C12orf42: variants seen among roughly 807,000 people sequenced by gnomAD.
C12orf42 encodes the protein chromosome 12 open reading frame 42.
C12orf42 carries 25 observed loss-of-function variants against 21.6 expected under a neutral mutation model. The ratio of observed to expected loss-of-function variants is 1.16; its 90% CI spans 0.84 to 1.62. The LOEUF is 1.62. C12orf42 is among the 40% of genes most tolerant of loss of function. The pLI, the probability that C12orf42 is intolerant of heterozygous loss-of-function variation, is 0.00. For synonymous variants in C12orf42, 174 were observed against 175.0 expected, an observed-to-expected ratio of 0.99 and a Z score of 0.05; for missense variants, 483 against 459.3, an observed-to-expected ratio of 1.05 and a Z score of -0.47.
At chr12:103,280,044 CAAT>C (rs1566014875) in intron 4 of C12orf42, among the ~76,000 whole-genome samples, 4 of 152,134 alleles carry the variant, frequency 2.6e-5, no homozygotes, top group Non-Finnish European at 2.9e-5. Flanking sequence ...ACAACATCAA[CAAT>C]AATAATATTA....
the C12orf42 span, among the ~76,000 whole-genome samples, chr12:103,116,381 A>AAATATAT: frequency 3.7e-5 from 5 of 136,700 alleles, no homozygotes; most frequent in African/African-American, 1.4e-4. Flanking sequence ...AAAAAAAAAA[A>AAATATAT]ATATATATAT....
At chr12:103,048,423 C>T in the C12orf42 span, among the ~76,000 whole-genome samples, 4 of 152,082 alleles carry the variant, frequency 2.6e-5, no homozygotes, top group Non-Finnish European at 4.4e-5. Flanking sequence ...GGATTCAACA[C>T]CCTCCCCCAT....
At chr12:103,104,322 C>T in the C12orf42 span, among the ~76,000 whole-genome samples, 1 of 152,224 alleles carries the variant, frequency 6.6e-6, no homozygotes, top group Non-Finnish European at 1.5e-5. Flanking sequence ...TCCAAGATAT[C>T]AGCATAAACA....
chr12:103,286,166 G>A (rs1180253698), intron 4 of C12orf42, among the ~76,000 whole-genome samples: 2 of 151,964 alleles, frequency 1.3e-5, no homozygotes, highest in African/African-American at 2.4e-5. Context: ...CAGGAGAATG[G>A]CATGAACCCG....
At chr12:103,294,973 A>T (rs1178357776) in intron 4 of C12orf42, among the ~76,000 whole-genome samples, 6 of 152,034 alleles carry the variant, frequency 3.9e-5, no homozygotes, top group African/African-American at 1.4e-4. Flanking sequence ...TCATGTGTCC[A>T]TGTGTTCTCA....
chr12:103,392,056 T>A (rs2047126951), intron 3 of C12orf42, among the ~76,000 whole-genome samples: 1 of 152,206 alleles, frequency 6.6e-6, no homozygotes, highest in South Asian at 2.1e-4. Flanking sequence ...ATATCTAGTT[T>A]TCCCACAACA....
At chr12:103,437,176 A>C (rs1950792401) in intron 2 of C12orf42, among the ~76,000 whole-genome samples, 1 of 151,874 alleles carries the variant, frequency 6.6e-6, no homozygotes, top group African/African-American at 2.4e-5. Flanking sequence ...AATGAAATGA[A>C]GGCAGAAATA....
chr12:103,300,526 G>A (rs887456971), downstream of C12orf42, among the ~76,000 whole-genome samples: 1 of 152,062 alleles, frequency 6.6e-6, no homozygotes, highest in African/African-American at 2.4e-5. Flanking sequence ...ATAAATTCAG[G>A]AATTTGCACT....
At chr12:103,480,612 A>G (rs1285731073) in intron 1 of C12orf42, among the ~76,000 whole-genome samples, 1 of 151,676 alleles carries the variant, frequency 6.6e-6, no homozygotes, top group East Asian at 1.9e-4. Context: ...ATGTTTTGAA[A>G]TATAATGCTT....
chr12:103,088,198 T>A, the C12orf42 span, among the ~76,000 whole-genome samples: 5 of 152,230 alleles, frequency 3.3e-5, no homozygotes, highest in Non-Finnish European at 7.4e-5. Flanking sequence ...CTGCTTCAGA[T>A]GTACACTTCT....
intron 10 of C12orf42, among the ~76,000 whole-genome samples, chr12:103,245,527 AATGAG>A (rs2033968084): frequency 6.6e-6 from 1 of 152,106 alleles, no homozygotes; most frequent in Non-Finnish European, 1.5e-5. Context: ...TTTTTAAAAT[AATGAG>A]ATAACATAAA....
the C12orf42 span, among the ~76,000 whole-genome samples, chr12:103,218,507 T>C: frequency 1.3e-5 from 2 of 152,140 alleles, no homozygotes; most frequent in African/African-American, 2.4e-5. Context: ...CACTAAATAC[T>C]AGTGGCAAAC....
chr12:103,372,750 G>A (rs571436271), intron 3 of C12orf42, among the ~76,000 whole-genome samples: 23 of 152,082 alleles, frequency 1.5e-4, no homozygotes, highest in Non-Finnish European at 3.1e-4. Context: ...GGAAAACTGA[G>A]GCACCAAAAA....
chr12:103,171,719 G>A, the C12orf42 span, among the ~76,000 whole-genome samples: 1 of 152,106 alleles, frequency 6.6e-6, no homozygotes, highest in Admixed American at 6.6e-5. Context: ...CGAAACAGGA[G>A]AACAATGAAG....
At position 103,418,964 on chromosome 12, in the gene C12orf42, G is replaced by A. The variant is rs147033372; in HGVS notation, c.79-17289C>T. Among the ~76,000 whole-genome samples, 258 of 152,048 alleles carry A rather than the reference G, an allele frequency of 1.7e-3. 1 individual carries two copies. Among genetic ancestry groups the A allele is most frequent in the African/African-American group, 5.9e-3 (244 of 41,456 alleles). The stretch of plus-strand genomic sequence containing the variant: ...ATCAGGGAAAAAGAATTAAACAGAT[G>A]AGTCCTGAACAGCTGTACTAGAGGG... On this transcript the variant is annotated intron_variant, in intron 2 of 5. Transcript: ENST00000548883.
At chr12:103,229,621 C>T in the C12orf42 span, among the ~76,000 whole-genome samples, 1 of 152,186 alleles carries the variant, frequency 6.6e-6, no homozygotes, top group African/African-American at 2.4e-5. Flanking sequence ...CTGAAGAGTG[C>T]TTCTGAAGTC....
At chr12:103,185,668 G>A in the C12orf42 span, among the ~76,000 whole-genome samples, 1 of 152,124 alleles carries the variant, frequency 6.6e-6, no homozygotes, top group African/African-American at 2.4e-5. Flanking sequence ...GAGAGAATTT[G>A]AATCATGGGG....
the C12orf42 span, among the ~76,000 whole-genome samples, chr12:103,530,934 T>C: frequency 6.6e-6 from 1 of 152,036 alleles, no homozygotes; most frequent in Non-Finnish European, 1.5e-5. Flanking sequence ...CTGCTGACCA[T>C]GAAAAGGAGG....
At chr12:103,212,822 T>A in the C12orf42 span, among the ~76,000 whole-genome samples, 2,907 of 152,166 alleles carry the variant, frequency 0.019, 35 homozygotes, top group East Asian at 0.028. Flanking sequence ...TCCTGAAACA[T>A]AGTATCTATG....
Sources: allele counts gnomAD v4.1 joint callset (sites outside exome capture counted in the v4.1 genomes callset), GRCh38; gene constraint gnomAD v4.1.1; transcripts MANE v1.5; gene names NCBI Gene and HGNC (gene_info 2026-07-23, HGNC 2026-07-21).